Variants in FREM2 observed in about 807,000 individuals in gnomAD.
The protein encoded by FREM2 is FRAS1 related extracellular matrix 2, also known as FRAS1-related extracellular matrix protein 2.
FREM2 carries 119 observed loss-of-function variants against 219.9 expected under a neutral mutation model. The observed-to-expected ratio is 0.54, with a 90% CI of 0.47 to 0.63. The LOEUF (loss-of-function observed/expected upper bound fraction) is 0.63. Ranked by LOEUF, FREM2 falls within the 30% of genes least tolerant of loss-of-function variation. FREM2 has a pLI of 0.00. For synonymous variants in FREM2, 1,562 were observed against 1,522.8 expected (o/e 1.03, Z -0.60); for missense variants, 4,030 against 3,993.6 (o/e 1.01, Z -0.25).
chr13:38,798,829 T>G (rs1195322920), intron 6 of FREM2, among the ~76,000 whole-genome samples: 2 of 152,088 alleles, frequency 1.3e-5, no homozygotes, highest in Non-Finnish European at 2.9e-5. Context: ...TCCTTCTTCC[T>G]TTCTGATTTT....
intron 2 of FREM2, among the ~76,000 whole-genome samples, chr13:38,705,923 AC>A (rs1331127216): frequency 6.6e-6 from 1 of 152,192 alleles, no homozygotes; most frequent in Non-Finnish European, 1.5e-5. Context: ...GGGGGAATAC[AC>A]AGGGATGGAA....
Position 38,687,676 on chromosome 13 carries a change from A to T in FREM2, c.332A>T (p.Asp111Val), listed in dbSNP as rs761430669. 1 of 1,590,810 alleles carries T rather than the reference A, an allele frequency of 6.3e-7. No individual in the cohort carries two copies. The highest frequency in any genetic ancestry group is 8.6e-7 in the Non-Finnish European group (1 of 1,167,024). ...GACCGCTGCGCGGTTTCGGTACTAG[A>T]CAACGACGCACTGGCCCAGCGACCG... ...PGDRCAVSVL[D>V]NDALAQRPGR... Residue 111 changes from aspartate (D) to valine (V), a missense_variant, in exon 1 of 24, where the codon GAC (aspartate) becomes GTC (valine). By Grantham distance (152) the Asp-to-Val change is radical. This residue lies in a region of FREM2 where 3,102 missense variants were observed against 2,950.7 expected (regional missense o/e 1.05). Coordinates refer to ENST00000280481, the MANE Select transcript of FREM2 (RefSeq NM_207361.6).
At chr13:38,721,455 C>T (rs1031422103) in intron 2 of FREM2, among the ~76,000 whole-genome samples, 6 of 152,098 alleles carry the variant, frequency 3.9e-5, no homozygotes, top group Admixed American at 2.0e-4. Context: ...GGGAGGGGGA[C>T]GCAGCACCAG....
intron 6 of FREM2, among the ~76,000 whole-genome samples, chr13:38,793,995 G>C (rs1169213973): frequency 6.6e-6 from 1 of 152,158 alleles, no homozygotes; most frequent in Non-Finnish European, 1.5e-5. Context: ...AGAAATGCCT[G>C]CTTGACTTCA....
intron 2 of FREM2, among the ~76,000 whole-genome samples, chr13:38,743,157 A>G (rs1872318156): frequency 6.6e-6 from 1 of 152,106 alleles, no homozygotes. Context: ...TGGCATCCAA[A>G]TATACACTTG....
chr13:38,808,651 A>G (rs1875354421), intron 6 of FREM2, among the ~76,000 whole-genome samples: 1 of 151,958 alleles, frequency 6.6e-6, no homozygotes, highest in South Asian at 2.1e-4. Flanking sequence ...TGCATCATTT[A>G]TCAATTAAGT....
At chr13:38,694,455 A>C (rs1189097425) in intron 1 of FREM2, among the ~76,000 whole-genome samples, 2 of 152,224 alleles carry the variant, frequency 1.3e-5, no homozygotes, top group Non-Finnish European at 2.9e-5. Flanking sequence ...TGATTTAAAA[A>C]ACGGAGAAAG....
intron 1 of FREM2, among the ~76,000 whole-genome samples, chr13:38,693,695 C>T (rs940440979): frequency 6.6e-6 from 1 of 152,170 alleles, no homozygotes; most frequent in East Asian, 1.9e-4. Flanking sequence ...TCTTTTCCTG[C>T]AACTGTGTTG....
At position 38,878,135 on chromosome 13, in the gene FREM2, T is replaced by G; in HGVS notation, c.8673T>G (p.Gly2891=). ...GQESDVAFAE[G]DIIYGRVMVD... ...AACATTTCCACATCTCTATTTCAGG[T>G]GATATAATTTATGGTCGTGTCATGG... Residue 2891 remains glycine, a splice_region_variant and synonymous_variant, in exon 22 of 24, where the codon GGT becomes GGG. Coordinates refer to ENST00000280481, the MANE Select transcript of FREM2 (RefSeq NM_207361.6). 1.9e-6 allele frequency: 3 copies of G among 1,611,280 alleles called. No individual in the cohort carries two copies. The highest frequency in any genetic ancestry group is 2.5e-6 in the Non-Finnish European group (3 of 1,177,530).
At chr13:38,879,008 T>C in intron 23 of FREM2, 31 bp downstream of exon 23, 1 of 1,610,194 alleles carries the variant, frequency 6.2e-7, no homozygotes, top group Non-Finnish European at 8.5e-7. Context: ...TTTGTAGTAG[T>C]TGTGTACCCA....
At chr13:38,694,115 C>A (rs1055853939) in intron 1 of FREM2, among the ~76,000 whole-genome samples, 2 of 152,112 alleles carry the variant, frequency 1.3e-5, no homozygotes, top group Non-Finnish European at 2.9e-5. Flanking sequence ...AATTTAAATT[C>A]TGTGGACTAA....
intron 6 of FREM2, among the ~76,000 whole-genome samples, chr13:38,831,613 A>ATT (rs58656821): frequency 0.12 from 16,513 of 143,090 alleles, 1,201 homozygotes; most frequent in Admixed American, 0.22. Context: ...TTTAACTTCA[A>ATT]TTTTTTTTTT....
intron 2 of FREM2, among the ~76,000 whole-genome samples, chr13:38,734,904 G>T (rs1329477790): frequency 6.6e-6 from 1 of 151,770 alleles, no homozygotes; most frequent in Non-Finnish European, 1.5e-5. Flanking sequence ...GCACCACCAC[G>T]CCTGGCTAAC....
chr13:38,766,981 C>T (rs1303847412), intron 3 of FREM2, among the ~76,000 whole-genome samples: 3 of 152,266 alleles, frequency 2.0e-5, no homozygotes, highest in African/African-American at 4.8e-5. Context: ...GCCTACTTCC[C>T]AATACCCTAC....
At chr13:38,876,460 A>G in intron 20 of FREM2, 78 bp downstream of exon 20, 1 of 1,201,982 alleles carries the variant, frequency 8.3e-7, no homozygotes, top group Non-Finnish European at 1.2e-6. Flanking sequence ...AAAAAAAAAA[A>G]TCCACACGTG....
chr13:38,812,098 A>T (rs1393514802), intron 6 of FREM2, among the ~76,000 whole-genome samples: 1 of 152,142 alleles, frequency 6.6e-6, no homozygotes, highest in Non-Finnish European at 1.5e-5. Context: ...ATAGTGTCTT[A>T]TATAAGTATA....
chr13:38,712,623 CTG>C (rs1466312014), intron 2 of FREM2, among the ~76,000 whole-genome samples: 3 of 146,730 alleles, frequency 2.0e-5, no homozygotes, highest in Admixed American at 7.1e-5. Context: ...CTCTTTCTCT[CTG>C]TCTCTTACTC....
chr13:38,783,027 A>G, intron 4 of FREM2, 43 bp from the exon 5 acceptor site: 1 of 1,609,342 alleles, frequency 6.2e-7, no homozygotes, highest in Non-Finnish European at 8.5e-7. Flanking sequence ...AGAGGTAAGA[A>G]GCTCAGACAA....
At chr13:38,817,863 TAAC>T (rs1875830856) in intron 6 of FREM2, among the ~76,000 whole-genome samples, 1 of 151,610 alleles carries the variant, frequency 6.6e-6, no homozygotes, top group African/African-American at 2.4e-5. Flanking sequence ...AAAACAACAA[TAAC>T]AATATTAATC....
Sources: allele counts gnomAD v4.1 joint callset (sites outside exome capture counted in the v4.1 genomes callset), GRCh38; gene constraint gnomAD v4.1.1; regional missense constraint gnomAD v4.1.1; transcripts MANE v1.5; gene names NCBI Gene and HGNC (gene_info 2026-07-23, HGNC 2026-07-21).